Variants in TNPO3 observed in about 807,000 individuals in gnomAD.
The protein encoded by TNPO3 is transportin 3, also known as transportin-3.
In TNPO3, 65 loss-of-function variants were observed where a neutral mutation model predicts 122.8. That is an observed-to-expected ratio of 0.53 (90% confidence interval 0.43 to 0.65). The LOEUF (loss-of-function observed/expected upper bound fraction) is 0.65. Among genes scored for constraint, TNPO3 ranks in the 30% least tolerant of loss-of-function variants. TNPO3 has a pLI of 0.00. For synonymous variants in TNPO3, 372 were observed against 411.2 expected, an observed-to-expected ratio of 0.90 and a Z score of 1.15; for missense variants, 850 against 1,136.7, an observed-to-expected ratio of 0.75 and a Z score of 3.63.
chr7:129,008,062 C>G (rs1385915690), intron 4 of TNPO3, among the ~76,000 whole-genome samples: 1 of 151,756 alleles, frequency 6.6e-6, no homozygotes, highest in African/African-American at 2.4e-5. Context: ...GGCAGGAGAA[C>G]TGCTTGAATC....
At chr7:129,046,682 G>A (rs1380823369) in intron 1 of TNPO3, among the ~76,000 whole-genome samples, 1 of 152,160 alleles carries the variant, frequency 6.6e-6, no homozygotes, top group African/African-American at 2.4e-5. Context: ...ACATACCCAA[G>A]CCTGGGTAAT....
rs1052721566 is a variant in TNPO3, at chr7:129,046,990, A to G, written c.120+7661T>C. On this transcript the variant is annotated intron_variant, in intron 1 of 22. Transcript: ENST00000265388. ...ATGTGGGTGGGGACATAGCCAAACCATATCAACCCAAGACCTTTCTGATAT... is the reference window on the plus strand; with the variant it reads ...ATGTGGGTGGGGACATAGCCAAACCGTATCAACCCAAGACCTTTCTGATAT... Among the ~76,000 whole-genome samples the G allele has an allele frequency of 2.6e-5, 4 of 152,228 alleles. No homozygotes were observed. The East Asian group carries it at 7.7e-4, about 29-fold the overall frequency.
intron 1 of TNPO3, among the ~76,000 whole-genome samples, chr7:129,023,034 A>G (rs867920791): frequency 6.6e-6 from 1 of 152,220 alleles, no homozygotes. Flanking sequence ...GGGAGAGCAC[A>G]TGCAAAACTA....
intron 16 of TNPO3, among the ~76,000 whole-genome samples, chr7:128,977,890 C>T (rs1799237216): frequency 6.6e-6 from 1 of 152,096 alleles, no homozygotes; most frequent in African/African-American, 2.4e-5. Flanking sequence ...GGCACTGCAC[C>T]TGGCCAGGGG....
chr7:129,034,161 T>C (rs1383871616), intron 1 of TNPO3, among the ~76,000 whole-genome samples: 1 of 152,196 alleles, frequency 6.6e-6, no homozygotes, highest in South Asian at 2.1e-4. Flanking sequence ...AATACACTTA[T>C]CACTAAAAGA....
At chr7:129,014,701 G>T (rs918495829) in intron 4 of TNPO3, among the ~76,000 whole-genome samples, 27 of 152,144 alleles carry the variant, frequency 1.8e-4, no homozygotes, top group African/African-American at 5.8e-4. Context: ...GATAAATAAT[G>T]AGATGGCCTT....
intron 1 of TNPO3, among the ~76,000 whole-genome samples, chr7:129,026,011 A>G (rs935023351): frequency 1.3e-5 from 2 of 151,816 alleles, no homozygotes; most frequent in Admixed American, 1.3e-4. Context: ...CTGTAGTCCC[A>G]GCTACCCAGG....
intron 1 of TNPO3, among the ~76,000 whole-genome samples, chr7:129,048,443 T>C (rs1465635441): frequency 1.3e-5 from 2 of 152,020 alleles, no homozygotes; most frequent in East Asian, 1.9e-4. Context: ...GGCAAGAGAA[T>C]TGCTTGAACC....
intron 4 of TNPO3, among the ~76,000 whole-genome samples, chr7:129,006,963 A>C (rs1003597355): frequency 1.3e-5 from 2 of 152,174 alleles, no homozygotes; most frequent in African/African-American, 4.8e-5. Context: ...AGAAGAAAGG[A>C]AGTCCAAGTA....
chr7:128,966,278 T>A (rs1018990560), intron 21 of TNPO3, among the ~76,000 whole-genome samples: 1 of 152,224 alleles, frequency 6.6e-6, no homozygotes, highest in African/African-American at 2.4e-5. Context: ...TCTCTATTGA[T>A]GGGCAATTAG....
At position 128,984,185 on chromosome 7, in the gene TNPO3, C is replaced by A. The variant is rs769180330; in HGVS notation, c.1765G>T (p.Val589Phe). 1.2e-6 allele frequency: 2 copies of A among 1,609,982 alleles called. No individual in the cohort carries two copies. The highest frequency in any genetic ancestry group is 1.7e-6 in the Non-Finnish European group (2 of 1,177,982). Residue 589 changes from valine (V) to phenylalanine (F), a missense_variant, in exon 13 of 23, where the codon GTT (valine) becomes TTT (phenylalanine). By Grantham distance (50) the Val-to-Phe change is conservative. Transcript: ENST00000265388. Reference sequence around the variant, plus strand: ...GGACTTACCTTTTTCAATGCCATAACCTGAACAGAACATAGTTCACTAAGA... The same window carrying A: ...GGACTTACCTTTTTCAATGCCATAAACTGAACAGAACATAGTTCACTAAGA... ...ECLSELCSVQ[V>F]MALKKLLSQE...
At chr7:128,959,222 G>T (rs1441540250) in intron 21 of TNPO3, among the ~76,000 whole-genome samples, 2 of 152,212 alleles carry the variant, frequency 1.3e-5, no homozygotes, top group African/African-American at 4.8e-5. Flanking sequence ...AAGAGAAGTT[G>T]CTATGTGGTG....
chr7:128,990,086 G>A lies in TNPO3; in HGVS notation c.1373C>T (p.Thr458Ile), dbSNP rs1406923698. The A allele has an allele frequency of 6.2e-7, 1 of 1,614,102 alleles. No individual in the cohort carries two copies. The highest frequency in any genetic ancestry group is 1.7e-5 in the Admixed American group (1 of 59,996). The change falls in exon 11 of 23, where the codon ACA becomes ATA. Residue 458 changes from threonine to isoleucine, a missense_variant. By Grantham distance (89) the Thr-to-Ile change is moderately conservative. Coordinates refer to ENST00000265388, the MANE Select transcript of TNPO3 (RefSeq NM_012470.4). ...AKSVDPENNP[T>I]LVEVLEGVVR... ...AACTCCTTCTAGGACTTCCACAAGTGTTGGATTGTTTTCCCTGAGTACAGG... is the reference window on the plus strand; with the variant it reads ...AACTCCTTCTAGGACTTCCACAAGTATTGGATTGTTTTCCCTGAGTACAGG...
intron 5 of TNPO3, among the ~76,000 whole-genome samples, chr7:129,002,315 G>A (rs1802025535): frequency 1.3e-5 from 2 of 152,176 alleles, no homozygotes; most frequent in Non-Finnish European, 2.9e-5. Context: ...GCACAGTAAA[G>A]ACAAGTCCCA....
At chr7:129,021,826 C>A (rs1238841526) in intron 1 of TNPO3, among the ~76,000 whole-genome samples, 4 of 151,882 alleles carry the variant, frequency 2.6e-5, no homozygotes, top group Non-Finnish European at 4.4e-5. Context: ...AGGTAAAAAT[C>A]TCAGGAAAAA....
intron 14 of TNPO3, among the ~76,000 whole-genome samples, chr7:128,981,698 T>G (rs1366477837): frequency 6.6e-6 from 1 of 151,648 alleles, no homozygotes; most frequent in Non-Finnish European, 1.5e-5. Flanking sequence ...TCCACAGAAC[T>G]GGAGACCAAA....
At chr7:129,010,792 A>T (rs1341378213) in intron 4 of TNPO3, among the ~76,000 whole-genome samples, 1 of 152,172 alleles carries the variant, frequency 6.6e-6, no homozygotes, top group Non-Finnish European at 1.5e-5. Flanking sequence ...GTTTTTCTCA[A>T]TCAGGATTCT....
At chr7:128,971,641 C>T (rs7802347) in intron 19 of TNPO3, among the ~76,000 whole-genome samples, 1 of 152,192 alleles carries the variant, frequency 6.6e-6, no homozygotes, top group Admixed American at 6.5e-5. Context: ...TCTAATCAAA[C>T]CTACCTTCGA....
chr7:128,973,261 G>A (rs934658289), intron 18 of TNPO3, among the ~76,000 whole-genome samples: 6 of 152,124 alleles, frequency 3.9e-5, no homozygotes, highest in Admixed American at 3.9e-4. Context: ...AAATGCTGCT[G>A]GATTTTGAAA....
Sources: allele counts gnomAD v4.1 joint callset (sites outside exome capture counted in the v4.1 genomes callset), GRCh38; gene constraint gnomAD v4.1.1; transcripts MANE v1.5; gene names NCBI Gene and HGNC (gene_info 2026-07-23, HGNC 2026-07-21).